ANKS1B: variants seen among roughly 807,000 people sequenced by gnomAD.
ANKS1B encodes the protein ankyrin repeat and sterile alpha motif domain-containing protein 1B.
Under a neutral mutation model 148.3 loss-of-function variants are expected in ANKS1B, and 36 were observed. The observed-to-expected ratio is 0.24, with a 90% CI of 0.19 to 0.32. The LOEUF (loss-of-function observed/expected upper bound fraction) is 0.32, where lower values mean the gene tolerates loss of function less well. Ranked by LOEUF, ANKS1B falls within the 10% of genes least tolerant of loss-of-function variation. The pLI is 1.00. For synonymous variants in ANKS1B, 542 were observed against 560.8 expected (o/e 0.97, Z 0.47); for missense variants, 1,157 against 1,542.6 (o/e 0.75, Z 4.19).
chr12:99,509,836 T>C (rs1015174983), intron 9 of ANKS1B, among the ~76,000 whole-genome samples: 2 of 152,006 alleles, frequency 1.3e-5, no homozygotes, highest in African/African-American at 2.4e-5. Context: ...GAGAAGTCAA[T>C]GCTTGGCTTC....
intron 10 of ANKS1B, among the ~76,000 whole-genome samples, chr12:99,450,327 T>A (rs1459130111): frequency 6.6e-6 from 1 of 152,170 alleles, no homozygotes; most frequent in Non-Finnish European, 1.5e-5. Context: ...ATTAATCTCA[T>A]CCAAAAACAC....
chr12:99,053,424 G>A (rs562757061), intron 16 of ANKS1B, 115 bp from the exon 17 acceptor site: 23 of 767,780 alleles, frequency 3.0e-5, no homozygotes, highest in Middle Eastern at 3.0e-4. Context: ...TTCTGGAGAC[G>A]GAAACAAGGA....
chr12:99,546,762 A>G (rs561562540), intron 9 of ANKS1B, among the ~76,000 whole-genome samples: 8 of 152,298 alleles, frequency 5.3e-5, no homozygotes, highest in African/African-American at 1.9e-4. Context: ...AACGAATGGA[A>G]GGGAAAAATA....
chr12:99,510,011 A>ACAGCATGTCTGTTGG (rs1223993620), intron 9 of ANKS1B, among the ~76,000 whole-genome samples: 3 of 152,046 alleles, frequency 2.0e-5, no homozygotes, highest in African/African-American at 7.2e-5. Flanking sequence ...AATCTGGATG[A>ACAGCATGTCTGTTGG]CAGCATGTCT....
intron 15 of ANKS1B, among the ~76,000 whole-genome samples, chr12:99,151,514 T>G (rs1292622207): frequency 2.3e-4 from 33 of 141,734 alleles, no homozygotes; most frequent in African/African-American, 8.8e-4. Flanking sequence ...GGTAACAAAG[T>G]GAGACTCCCA....
intron 14 of ANKS1B, among the ~76,000 whole-genome samples, chr12:99,241,550 A>T (rs2089325560): frequency 6.6e-6 from 1 of 152,258 alleles, no homozygotes; most frequent in Non-Finnish European, 1.5e-5. Context: ...TCATTTTATG[A>T]GGCCAGCATC....
chr12:99,842,654 C>T (rs1224388279), intron 1 of ANKS1B, among the ~76,000 whole-genome samples: 1 of 152,088 alleles, frequency 6.6e-6, no homozygotes, highest in East Asian at 1.9e-4. Context: ...TGACCCCTGC[C>T]CTGTTCCCCG....
intron 1 of ANKS1B, among the ~76,000 whole-genome samples, chr12:99,872,933 C>G (rs1484269641): frequency 6.6e-6 from 1 of 151,754 alleles, no homozygotes; most frequent in Non-Finnish European, 1.5e-5. Flanking sequence ...AAGTTTTGTC[C>G]CTATAACCCC....
At chr12:99,502,278 C>G (rs576800113) in intron 10 of ANKS1B, among the ~76,000 whole-genome samples, 4 of 152,094 alleles carry the variant, frequency 2.6e-5, no homozygotes, top group African/African-American at 9.7e-5. Context: ...ATCTCTCTTA[C>G]GGAAAAGGAA....
intron 3 of ANKS1B, among the ~76,000 whole-genome samples, chr12:99,809,787 A>G (rs1410073124): frequency 6.6e-6 from 1 of 152,154 alleles, no homozygotes; most frequent in Non-Finnish European, 1.5e-5. Context: ...GATAACTTTC[A>G]GAAATCAGAA....
intron 12 of ANKS1B, among the ~76,000 whole-genome samples, chr12:99,254,846 G>T (rs1229880131): frequency 1.3e-5 from 2 of 152,158 alleles, no homozygotes; most frequent in African/African-American, 4.8e-5. Context: ...ATATTAATGG[G>T]ATACCAACAG....
chr12:99,984,247 C>G lies in ANKS1B; in HGVS notation c.-10G>C. 6.2e-7 allele frequency: 1 copy of G among 1,611,484 alleles called. No individual in the cohort carries two copies. Among genetic ancestry groups the G allele is most frequent in the East Asian group, 2.2e-5 (1 of 44,866 alleles). On this transcript the variant is annotated 5_prime_UTR_variant, in exon 1 of 27. Transcript: ENST00000683438. Reference sequence around the variant, plus strand: ...CCTGGTCCTTCCCCATAGTCTCTCACCGACTCCCCCACAGAGTCCTTGCCC... The same window carrying G: ...CCTGGTCCTTCCCCATAGTCTCTCAGCGACTCCCCCACAGAGTCCTTGCCC...
At chr12:99,138,953 C>T (rs2069113198) in intron 15 of ANKS1B, among the ~76,000 whole-genome samples, 1 of 151,370 alleles carries the variant, frequency 6.6e-6, no homozygotes, top group Non-Finnish European at 1.5e-5. Flanking sequence ...TTTTCTTTCT[C>T]TCTCTTTTTT....
chr12:99,488,084 G>A (rs1217572160), intron 10 of ANKS1B, among the ~76,000 whole-genome samples: 1 of 152,032 alleles, frequency 6.6e-6, no homozygotes, highest in African/African-American at 2.4e-5. Flanking sequence ...ATATTATAAA[G>A]TATTCCTCTT....
chr12:98,949,743 G>A (rs932709859), intron 17 of ANKS1B: 1 of 152,214 alleles, frequency 6.6e-6, no homozygotes, highest in African/African-American at 2.4e-5. Context: ...TGCTGTTGCT[G>A]CAGAGGCAGA....
intron 15 of ANKS1B, among the ~76,000 whole-genome samples, chr12:99,137,996 A>T (rs2068734768): frequency 6.6e-6 from 1 of 152,178 alleles, no homozygotes; most frequent in African/African-American, 2.4e-5. Flanking sequence ...GATGTAAAAC[A>T]CTTAGAATAG....
chr12:99,961,241 A>G (rs2095408898), intron 1 of ANKS1B, among the ~76,000 whole-genome samples: 1 of 151,816 alleles, frequency 6.6e-6, no homozygotes, highest in Non-Finnish European at 1.5e-5. Context: ...AAAAAACAAA[A>G]CAAAACAAAA....
At chr12:99,748,548 T>C (rs1402861765) in intron 8 of ANKS1B, among the ~76,000 whole-genome samples, 1 of 152,072 alleles carries the variant, frequency 6.6e-6, no homozygotes, top group Non-Finnish European at 1.5e-5. Context: ...TAACAAATAA[T>C]ACTGAGTATA....
At chr12:99,187,459 C>T (rs890803079) in intron 14 of ANKS1B, among the ~76,000 whole-genome samples, 1 of 152,114 alleles carries the variant, frequency 6.6e-6, no homozygotes, top group Non-Finnish European at 1.5e-5. Flanking sequence ...AGGTTACCCA[C>T]AAAGGGAATC....
Sources: allele counts gnomAD v4.1 joint callset (sites outside exome capture counted in the v4.1 genomes callset), GRCh38; gene constraint gnomAD v4.1.1; transcripts MANE v1.5; gene names NCBI Gene and HGNC (gene_info 2026-07-23, HGNC 2026-07-21).